Variants in ADAMTSL1 observed in about 807,000 individuals in gnomAD.
ADAMTSL1 encodes ADAMTS like 1.
Under a neutral mutation model 201.8 loss-of-function variants are expected in ADAMTSL1, and 126 were observed. That is an observed-to-expected ratio of 0.62 (90% CI 0.54 to 0.72). The LOEUF (loss-of-function observed/expected upper bound fraction) is 0.72. ADAMTSL1 is among the 30% of genes least tolerant of loss of function. The pLI is 0.00. For missense variants in ADAMTSL1, 2,679 were observed against 2,277.8 expected, an observed-to-expected ratio of 1.18 and a Z score of -3.59; for synonymous variants, 1,121 against 903.4, an observed-to-expected ratio of 1.24 and a Z score of -4.32.
intron 2 of ADAMTSL1, among the ~76,000 whole-genome samples, chr9:18,353,463 A>C (rs1836067147): frequency 6.6e-6 from 1 of 152,216 alleles, no homozygotes; most frequent in Admixed American, 6.5e-5. Context: ...ATATTTATGG[A>C]GGCTAAAAGG....
intron 1 of ADAMTSL1, among the ~76,000 whole-genome samples, chr9:17,960,866 C>G (rs190546758): frequency 3.9e-5 from 6 of 152,162 alleles, no homozygotes; most frequent in Admixed American, 3.9e-4. Context: ...GCGCAGTGAA[C>G]AGTAACTATG....
intron 26 of ADAMTSL1, among the ~76,000 whole-genome samples, chr9:18,901,527 A>C (rs890857678): frequency 1.3e-5 from 2 of 152,234 alleles, no homozygotes; most frequent in Non-Finnish European, 2.9e-5. Flanking sequence ...CCAATAATGT[A>C]AAGTGGGGAT....
At chr9:18,230,359 T>A (rs534007527) in intron 2 of ADAMTSL1, among the ~76,000 whole-genome samples, 37 of 152,222 alleles carry the variant, frequency 2.4e-4, no homozygotes, top group African/African-American at 8.7e-4. Context: ...TGGACTAGTA[T>A]CCAGAATGAC....
At chr9:18,186,010 G>A (rs1297921010) in intron 2 of ADAMTSL1, among the ~76,000 whole-genome samples, 2 of 152,168 alleles carry the variant, frequency 1.3e-5, no homozygotes, top group Admixed American at 1.3e-4. Context: ...CTTTCTCACA[G>A]TGTGATATGT....
intron 3 of ADAMTSL1, among the ~76,000 whole-genome samples, chr9:18,570,957 C>A (rs1308800973): frequency 6.6e-6 from 1 of 152,174 alleles, no homozygotes; most frequent in Non-Finnish European, 1.5e-5. Flanking sequence ...GAACATCTGT[C>A]TGCATGTTGA....
rs774695911 is a variant in ADAMTSL1 at position 18,753,475 on chromosome 9, C to T, written c.2184C>T (p.Cys728=). The T allele has an allele frequency of 1.9e-6, 3 of 1,612,594 alleles. No individual in the cohort carries two copies. Among genetic ancestry groups the T allele is most frequent in the South Asian group, 2.2e-5 (2 of 90,800 alleles). The change falls in exon 16 of 29, where the codon TGC becomes TGT. Residue 728 remains cysteine, a synonymous_variant. Transcript: ENST00000380548. ...TGCAAGCTTGTAACCGCTTTAATTG[C>T]CCCCCAGCCTGGTACCCTGCACAGT... ...STVQACNRFN[C]PPAWYPAQWQ... is the part of the protein sequence containing the mutation.
At chr9:18,651,945 A>T (rs1828297777) in intron 7 of ADAMTSL1, among the ~76,000 whole-genome samples, 1 of 151,916 alleles carries the variant, frequency 6.6e-6, no homozygotes, top group African/African-American at 2.4e-5. Flanking sequence ...TTAGCAGATG[A>T]TTGATACATG....
chr9:18,840,936 G>A (rs1483774872), intron 23 of ADAMTSL1, among the ~76,000 whole-genome samples: 1 of 147,698 alleles, frequency 6.8e-6, no homozygotes, highest in Admixed American at 6.8e-5. Flanking sequence ...GAGATTTTGG[G>A]CTGAGACAAT....
At chr9:18,270,344 C>T (rs1427318957) in intron 2 of ADAMTSL1, among the ~76,000 whole-genome samples, 2 of 152,070 alleles carry the variant, frequency 1.3e-5, no homozygotes, top group Non-Finnish European at 2.9e-5. Context: ...AGTATTTCAG[C>T]ATATGAATTT....
chr9:18,463,389 G>A (rs1019309247), intron 2 of ADAMTSL1, among the ~76,000 whole-genome samples: 4 of 152,040 alleles, frequency 2.6e-5, no homozygotes, highest in African/African-American at 9.7e-5. Flanking sequence ...GTAAATATAT[G>A]TGATGTGAAT....
intron 21 of ADAMTSL1, chr9:18,826,050 A>C (rs58686714): frequency 0.055 from 33,136 of 606,886 alleles, 1,191 homozygotes; most frequent in East Asian, 0.15. Context: ...TCTGGAGACA[A>C]CTGAGATGTT....
chr9:17,999,442 A>G (rs1336046340), intron 1 of ADAMTSL1, among the ~76,000 whole-genome samples: 2 of 151,994 alleles, frequency 1.3e-5, no homozygotes. Context: ...GTTATCAGTA[A>G]GACTTTTGTT....
Position 18,380,526 on chromosome 9 carries a change from C to T in ADAMTSL1, c.208-124303C>T, listed in dbSNP as rs186492624. Among the ~76,000 whole-genome samples, 29 of 152,246 alleles carry T rather than the reference C, an allele frequency of 1.9e-4. 1 individual carries two copies. Among genetic ancestry groups the T allele is most frequent in the Admixed American group, 8.5e-4 (13 of 15,286 alleles). On this transcript the variant is annotated intron_variant, in intron 2 of 29. Transcript: ENST00000680146. ...ACCAATAACCCTCATAGTCATTTTT[C>T]AGTTATAAATAATTTTTTACTCATT...
chr9:18,060,757 T>C (rs552938418), intron 1 of ADAMTSL1, among the ~76,000 whole-genome samples: 70 of 152,320 alleles, frequency 4.6e-4, no homozygotes, highest in Non-Finnish European at 9.7e-4. Flanking sequence ...GTTCTCTGTT[T>C]TTAGAATATG....
At chr9:18,097,613 G>T (rs1207531493) in intron 1 of ADAMTSL1, among the ~76,000 whole-genome samples, 1 of 152,086 alleles carries the variant, frequency 6.6e-6, no homozygotes, top group Non-Finnish European at 1.5e-5. Flanking sequence ...TCAATCTAAT[G>T]CATGTGTACA....
intron 26 of ADAMTSL1, among the ~76,000 whole-genome samples, chr9:18,904,732 CTTTTTT>C (rs373922316): frequency 3.8e-4 from 21 of 55,250 alleles, no homozygotes; most frequent in African/African-American, 1.1e-3. Context: ...GTTAAGGGGG[CTTTTTT>C]TTTTTTTTTT....
At chr9:18,623,578 C>A (rs993835735) in intron 5 of ADAMTSL1, among the ~76,000 whole-genome samples, 1 of 152,078 alleles carries the variant, frequency 6.6e-6, no homozygotes, top group Non-Finnish European at 1.5e-5. Context: ...CCAGTCAGGT[C>A]CTGCTAGGAT....
At chr9:18,261,126 C>T (rs2819204) in intron 2 of ADAMTSL1, among the ~76,000 whole-genome samples, 91,522 of 146,812 alleles carry the variant, frequency 0.62, 29,266 homozygotes, top group African/African-American at 0.74. Flanking sequence ...TTGACTAGAA[C>T]GGAAAGTGAT....
At chr9:18,675,274 A>G (rs1830071586) in intron 9 of ADAMTSL1, among the ~76,000 whole-genome samples, 1 of 152,176 alleles carries the variant, frequency 6.6e-6, no homozygotes, top group Non-Finnish European at 1.5e-5. Context: ...GTTGCCTACT[A>G]TGTTCAGTAG....
Sources: allele counts gnomAD v4.1 joint callset (sites outside exome capture counted in the v4.1 genomes callset), GRCh38; gene constraint gnomAD v4.1.1; transcripts MANE v1.5; gene names NCBI Gene and HGNC (gene_info 2026-07-23, HGNC 2026-07-21).